Variants in ST8SIA2 observed in about 807,000 individuals in gnomAD.
The protein encoded by ST8SIA2 is alpha-2,8-sialyltransferase 8B.
A neutral mutation model predicts 37.6 loss-of-function variants in ST8SIA2; 22 were observed. The ratio of observed to expected loss-of-function variants is 0.58; its 90% CI spans 0.42 to 0.83. ST8SIA2 has a LOEUF of 0.83. Among genes scored for constraint, ST8SIA2 ranks in the 40% least tolerant of loss-of-function variants. ST8SIA2 has a pLI of 0.00. For synonymous variants in ST8SIA2, 205 were observed against 201.2 expected (o/e 1.02, Z -0.16); for missense variants, 382 against 484.7 (o/e 0.79, Z 1.99).
At chr15:92,422,502 G>C (rs1467088601) in intron 1 of ST8SIA2, 1 of 152,278 alleles carries the variant, frequency 6.6e-6, no homozygotes, top group Non-Finnish European at 1.5e-5. Flanking sequence ...TCGGGCAACT[G>C]CCTCCTACTC....
chr15:92,429,727 G>A (rs886081392), intron 1 of ST8SIA2, among the ~76,000 whole-genome samples: 4 of 152,238 alleles, frequency 2.6e-5, no homozygotes, highest in Admixed American at 6.5e-5. Flanking sequence ...ATGCTATCCT[G>A]TGGGATTCAC....
intron 5 of ST8SIA2, among the ~76,000 whole-genome samples, chr15:92,445,399 A>G (rs1454587259): frequency 6.6e-6 from 1 of 152,236 alleles, no homozygotes; most frequent in Non-Finnish European, 1.5e-5. Context: ...GAGGATGTGA[A>G]GACTAAATGA....
chr15:92,402,634 A>G, intron 1 of ST8SIA2, among the ~76,000 whole-genome samples: 1 of 152,206 alleles, frequency 6.6e-6, no homozygotes, highest in East Asian at 1.9e-4. Context: ...AGGGGATAGC[A>G]TGTTGGAGCC....
intron 1 of ST8SIA2, among the ~76,000 whole-genome samples, chr15:92,396,587 G>A (rs917562561): frequency 4.6e-5 from 7 of 151,474 alleles, no homozygotes; most frequent in Admixed American, 1.3e-4. Context: ...TCCGCCTCCC[G>A]GGTTCAAGCA....
intron 5 of ST8SIA2, among the ~76,000 whole-genome samples, chr15:92,454,554 C>T (rs2049905953): frequency 6.6e-6 from 1 of 151,946 alleles, no homozygotes; most frequent in Admixed American, 6.6e-5. Flanking sequence ...TGAGTCTCTG[C>T]CCCCACAGTG....
At chr15:92,411,518 T>C (rs2049549321) in intron 1 of ST8SIA2, among the ~76,000 whole-genome samples, 1 of 152,224 alleles carries the variant, frequency 6.6e-6, no homozygotes, top group Admixed American at 6.5e-5. Flanking sequence ...CTGTGTGTTA[T>C]GGTCCTATAG....
intron 4 of ST8SIA2, among the ~76,000 whole-genome samples, chr15:92,443,550 C>T (rs1052239878): frequency 2.0e-5 from 3 of 152,106 alleles, no homozygotes; most frequent in African/African-American, 4.8e-5. Flanking sequence ...AATTCTAAAC[C>T]GTCCCTGTCA....
chr15:92,420,975 T>A (rs959576226), intron 1 of ST8SIA2: 1 of 152,178 alleles, frequency 6.6e-6, no homozygotes, highest in Non-Finnish European at 1.5e-5. Flanking sequence ...GCTGTGTGTG[T>A]GAAATTGGGG....
intron 1 of ST8SIA2, among the ~76,000 whole-genome samples, chr15:92,416,069 C>T (rs548243580): frequency 1.3e-5 from 2 of 152,078 alleles, no homozygotes; most frequent in African/African-American, 2.4e-5. Flanking sequence ...CACTGCATTT[C>T]GGAAAGCTGT....
At chr15:92,424,558 G>A (rs1211961874) in intron 1 of ST8SIA2, among the ~76,000 whole-genome samples, 2 of 151,244 alleles carry the variant, frequency 1.3e-5, no homozygotes, top group African/African-American at 4.9e-5. Flanking sequence ...ATCGTTTACT[G>A]TGTACATTCT....
At chr15:92,428,187 A>G (rs1218779160) in intron 1 of ST8SIA2, among the ~76,000 whole-genome samples, 1 of 152,164 alleles carries the variant, frequency 6.6e-6, no homozygotes, top group Non-Finnish European at 1.5e-5. Context: ...CACAGAGGAT[A>G]TTGCTTAGGG....
intron 1 of ST8SIA2, among the ~76,000 whole-genome samples, chr15:92,394,881 G>A (rs904380648): frequency 1.3e-5 from 2 of 152,170 alleles, no homozygotes; most frequent in Middle Eastern, 3.2e-3. Flanking sequence ...GACATTTCGG[G>A]AAAGTCTGTA....
chr15:92,426,921 C>G (rs1490296476), intron 1 of ST8SIA2, among the ~76,000 whole-genome samples: 1 of 151,912 alleles, frequency 6.6e-6, no homozygotes, highest in East Asian at 1.9e-4. Context: ...TGGTGAAACC[C>G]CATCTCTACT....
intron 3 of ST8SIA2, among the ~76,000 whole-genome samples, chr15:92,437,953 G>C (rs897003422): frequency 6.6e-6 from 1 of 152,210 alleles, no homozygotes; most frequent in African/African-American, 2.4e-5. Flanking sequence ...GTCTGGGTGT[G>C]CCCCAGACTG....
intron 1 of ST8SIA2, among the ~76,000 whole-genome samples, chr15:92,405,394 G>A (rs962804627): frequency 1.3e-5 from 2 of 152,232 alleles, no homozygotes; most frequent in East Asian, 1.9e-4. Context: ...TTCAGCAGAC[G>A]GATGGTAATG....
chr15:92,464,050 C>T (rs2049974434), intron 5 of ST8SIA2, 50 bp from the exon 6 acceptor site: 3 of 1,516,392 alleles, frequency 2.0e-6, no homozygotes, highest in Admixed American at 2.1e-5. Flanking sequence ...GAAAGGATGA[C>T]TCACAGACCC....
intron 5 of ST8SIA2, among the ~76,000 whole-genome samples, chr15:92,459,228 A>T (rs750068007): frequency 1.3e-5 from 2 of 152,210 alleles, no homozygotes; most frequent in Non-Finnish European, 2.9e-5. Flanking sequence ...ACCATTGTTT[A>T]TCTGGCCTGT....
intron 1 of ST8SIA2, among the ~76,000 whole-genome samples, chr15:92,429,473 C>T (rs1316856898): frequency 6.6e-6 from 1 of 152,164 alleles, no homozygotes; most frequent in Non-Finnish European, 1.5e-5. Flanking sequence ...TCACATACAC[C>T]CTTCTCACTT....
intron 1 of ST8SIA2, among the ~76,000 whole-genome samples, chr15:92,400,370 G>C (rs1215592165): frequency 6.6e-6 from 1 of 152,168 alleles, no homozygotes; most frequent in Non-Finnish European, 1.5e-5. Flanking sequence ...TTTTTTGAAG[G>C]AACAAACTCT....
Sources: allele counts gnomAD v4.1 joint callset (sites outside exome capture counted in the v4.1 genomes callset), GRCh38; gene constraint gnomAD v4.1.1; transcripts MANE v1.5; gene names NCBI Gene and HGNC (gene_info 2026-07-23, HGNC 2026-07-21).